Variants in ADAM32 observed in about 807,000 individuals in gnomAD.
ADAM32 encodes the protein disintegrin and metalloproteinase domain-containing protein 32.
A neutral mutation model predicts 114.9 loss-of-function variants in ADAM32; 89 were observed. The ratio of observed to expected loss-of-function variants is 0.77; its 90% CI spans 0.65 to 0.92. The LOEUF (loss-of-function observed/expected upper bound fraction) is 0.92. ADAM32 is among the 40% of genes least tolerant of loss of function. The pLI, the probability that ADAM32 is intolerant of heterozygous loss-of-function variation, is 0.00. For synonymous variants in ADAM32, 285 were observed against 307.5 expected (o/e 0.93, Z 0.77); for missense variants, 870 against 932.8 (o/e 0.93, Z 0.88).
intron 1 of ADAM32, among the ~76,000 whole-genome samples, chr8:39,115,559 G>C (rs1292486149): frequency 6.7e-6 from 1 of 149,230 alleles, no homozygotes; most frequent in Non-Finnish European, 1.5e-5. Flanking sequence ...TTTGAGAAGT[G>C]TCCATGTCAT....
chr8:39,284,779 G>C lies in ADAM32; in HGVS notation c.2358-14G>C. 6.2e-7 allele frequency: 1 copy of C among 1,613,436 alleles called. No individual in the cohort carries two copies. The highest frequency in any genetic ancestry group is 8.5e-7 in the Non-Finnish European group (1 of 1,179,642). On this transcript the variant is annotated splice_polypyrimidine_tract_variant and intron_variant, in intron 24 of 24. Transcript: ENST00000379907. ...CAGTACTTTGAGCACGTGTTTTTTT[G>C]TTCTCTTCCACAGTAACTAGTGATT...
At chr8:39,140,303 G>T (rs1378919783) in intron 3 of ADAM32, among the ~76,000 whole-genome samples, 4 of 152,082 alleles carry the variant, frequency 2.6e-5, no homozygotes. Flanking sequence ...GTCATAAATA[G>T]CTGTTATTAT....
chr8:39,112,958 T>C (rs953924221), intron 1 of ADAM32, among the ~76,000 whole-genome samples: 1 of 152,208 alleles, frequency 6.6e-6, no homozygotes, highest in African/African-American at 2.4e-5. Context: ...TTGCAACATT[T>C]CTTTGTCATT....
chr8:39,140,187 C>T (rs1445313255), intron 3 of ADAM32, among the ~76,000 whole-genome samples: 1 of 152,058 alleles, frequency 6.6e-6, no homozygotes, highest in Non-Finnish European at 1.5e-5. Flanking sequence ...GCCTGATTTC[C>T]CTGGCCAGAA....
intron 2 of ADAM32, among the ~76,000 whole-genome samples, chr8:39,126,929 T>C (rs1274347705): frequency 1.3e-5 from 2 of 152,218 alleles, no homozygotes; most frequent in African/African-American, 2.4e-5. Context: ...GAGATAATCA[T>C]GTGGTTTTTG....
chr8:39,224,865 G>GA (rs1391104285), intron 14 of ADAM32, among the ~76,000 whole-genome samples: 1 of 152,018 alleles, frequency 6.6e-6, no homozygotes, highest in Admixed American at 6.6e-5. Flanking sequence ...GCACGGCAGA[G>GA]AAAAAAATGG....
chr8:39,273,092 T>C (rs1250090841), intron 20 of ADAM32, among the ~76,000 whole-genome samples: 1 of 152,190 alleles, frequency 6.6e-6, no homozygotes, highest in East Asian at 1.9e-4. Context: ...GGAGCTGTCA[T>C]TGGCCAGGAT....
chr8:39,237,308 G>A (rs1379151810), intron 16 of ADAM32, among the ~76,000 whole-genome samples: 1 of 152,186 alleles, frequency 6.6e-6, no homozygotes, highest in Non-Finnish European at 1.5e-5. Context: ...AGGATAAGGA[G>A]ACTTCCAGCT....
At chr8:39,229,105 T>TA (rs1809572200) in intron 14 of ADAM32, among the ~76,000 whole-genome samples, 1 of 152,152 alleles carries the variant, frequency 6.6e-6, no homozygotes, top group Non-Finnish European at 1.5e-5. Context: ...GAAGGAAAGA[T>TA]ACAGTCTTTT....
At chr8:39,278,349 G>A (rs990013716) in intron 22 of ADAM32, among the ~76,000 whole-genome samples, 9 of 152,092 alleles carry the variant, frequency 5.9e-5, no homozygotes, top group African/African-American at 2.2e-4. Flanking sequence ...CTCTTTGGAT[G>A]GTGGTTTCCG....
intron 6 of ADAM32, among the ~76,000 whole-genome samples, chr8:39,152,993 G>C (rs1267895607): frequency 6.6e-6 from 1 of 152,168 alleles, no homozygotes; most frequent in Admixed American, 6.5e-5. Context: ...ACAAGGATGA[G>C]GCTGACGCCA....
At chr8:39,182,135 C>T (rs1805936621) in intron 10 of ADAM32, among the ~76,000 whole-genome samples, 1 of 152,144 alleles carries the variant, frequency 6.6e-6, no homozygotes, top group South Asian at 2.1e-4. Flanking sequence ...CCAGAGAGTT[C>T]AGAAACAAAA....
At chr8:39,210,318 G>A (rs1808123929) in intron 11 of ADAM32, among the ~76,000 whole-genome samples, 1 of 152,172 alleles carries the variant, frequency 6.6e-6, no homozygotes, top group Non-Finnish European at 1.5e-5. Flanking sequence ...TGTAGGCAAC[G>A]CAAAACTGTC....
At chr8:39,256,279 T>A (rs1282645237) in intron 18 of ADAM32, among the ~76,000 whole-genome samples, 1 of 152,036 alleles carries the variant, frequency 6.6e-6, no homozygotes, top group African/African-American at 2.4e-5. Context: ...ATTTTCAACC[T>A]CTCTTCCTCA....
intron 11 of ADAM32, among the ~76,000 whole-genome samples, chr8:39,191,987 G>T (rs1278086458): frequency 6.6e-6 from 1 of 152,174 alleles, no homozygotes; most frequent in Admixed American, 6.5e-5. Context: ...ACATCTGGTA[G>T]AATTTGGCTG....
chr8:39,260,300 G>T (rs892993951), intron 19 of ADAM32, among the ~76,000 whole-genome samples: 1 of 151,986 alleles, frequency 6.6e-6, no homozygotes, highest in African/African-American at 2.4e-5. Flanking sequence ...TATTCAATTT[G>T]GATGCCCTTT....
intron 2 of ADAM32, chr8:39,129,838 C>A (rs1328742597): frequency 6.0e-6 from 2 of 335,934 alleles, no homozygotes; most frequent in Non-Finnish European, 1.2e-5. Flanking sequence ...TGAGTGTAAT[C>A]TTTGTTATAG....
At chr8:39,267,956 CAG>C (rs1812473358) in intron 19 of ADAM32, among the ~76,000 whole-genome samples, 1 of 152,174 alleles carries the variant, frequency 6.6e-6, no homozygotes, top group African/African-American at 2.4e-5. Context: ...CAGGCGGACA[CAG>C]TGAGTAAAGA....
intron 2 of ADAM32, among the ~76,000 whole-genome samples, chr8:39,131,342 A>G (rs915000255): frequency 3.9e-5 from 6 of 152,128 alleles, no homozygotes; most frequent in African/African-American, 1.2e-4. Flanking sequence ...ACATAAAAAA[A>G]TAGCCAGCCA....
Sources: gnomAD v4.1 joint callset for allele counts (sites outside exome capture counted in the v4.1 genomes callset) on GRCh38, gnomAD v4.1.1 for gene constraint, MANE v1.5 for transcripts, NCBI Gene and HGNC (gene_info 2026-07-23, HGNC 2026-07-21) for gene names.